The following SMS variants were observed in gnomAD, a reference collection of about 807,000 sequenced individuals.
The protein encoded by SMS is spermine synthase, also known as spermidine aminopropyltransferase.
In SMS, 3 loss-of-function variants were observed where a neutral mutation model predicts 33.0. The ratio of observed to expected loss-of-function variants is 0.09; its 90% CI spans 0.04 to 0.23. The LOEUF is 0.23. Ranked by LOEUF, SMS falls within the 10% of genes least tolerant of loss-of-function variation. The pLI, the probability that SMS is intolerant of heterozygous loss-of-function variation, is 1.00. For synonymous variants in SMS, 103 were observed against 112.2 expected (o/e 0.92, Z 0.52); for missense variants, 117 against 288.6 (o/e 0.41, Z 4.31).
At chrX:21,954,393 C>G (rs1418236878) in intron 1 of SMS, among the ~76,000 whole-genome samples, 1 of 112,390 alleles carries the variant, frequency 8.9e-6, no homozygotes, top group Non-Finnish European at 1.9e-5. Flanking sequence ...TTTAGACCAT[C>G]TAGGTGCAAT....
At chrX:21,985,032 G>C (rs187343645) in intron 8 of SMS, 112 bp from the exon 9 acceptor site, 1 of 508,804 alleles carries the variant, frequency 2.0e-6, no homozygotes, top group Non-Finnish European at 3.5e-6. Context: ...TCTTACACTC[G>C]TGGCTCTTTT....
At chrX:21,978,743 C>T (rs970508758) in intron 6 of SMS, 134 bp from the exon 7 acceptor site, 1 of 540,725 alleles carries the variant, frequency 1.8e-6, no homozygotes. Context: ...GTCACTGCCT[C>T]ATTCATCATT....
intron 2 of SMS, among the ~76,000 whole-genome samples, chrX:21,968,310 C>T (rs1923884746): frequency 8.9e-6 from 1 of 112,431 alleles, no homozygotes; most frequent in Admixed American, 9.4e-5. Flanking sequence ...GGTCCCTTCT[C>T]TACTCTGTTT....
chrX:21,983,135 G>T (rs189261087), intron 7 of SMS, among the ~76,000 whole-genome samples: 2 of 111,093 alleles, frequency 1.8e-5, no homozygotes, highest in Non-Finnish European at 3.8e-5. Context: ...AAACTCCCGG[G>T]CTCAAGCGAT....
chrX:21,956,825 C>T (rs1923005957), intron 1 of SMS, among the ~76,000 whole-genome samples: 1 of 112,437 alleles, frequency 8.9e-6, no homozygotes, highest in South Asian at 3.6e-4. Flanking sequence ...CAGTGATCCT[C>T]CAGCCTCAGC....
At position 21,951,899 on chromosome X, in the gene SMS, A is replaced by G. The variant is rs1403037521; in HGVS notation, c.49+11026A>G. The stretch of plus-strand genomic sequence containing the variant: ...TTACTACATCTGCTCATTTTACACT[A>G]TGGGGTTAGGGAAATGTAAAGAAAG... On this transcript the variant is annotated intron_variant, in intron 1 of 10. Transcript: ENST00000404933. Among the ~76,000 whole-genome samples the G allele has an allele frequency of 2.7e-5, 3 of 111,785 alleles. No homozygotes were observed. The Admixed American group carries it at 2.9e-4, about 11-fold the overall frequency.
At chrX:21,945,946 C>T (rs1238723030) in intron 1 of SMS, among the ~76,000 whole-genome samples, 3 of 111,175 alleles carry the variant, frequency 2.7e-5, no homozygotes, top group African/African-American at 9.8e-5. Context: ...ATTAACACAT[C>T]AAATAACAAG....
intron 6 of SMS, among the ~76,000 whole-genome samples, chrX:21,978,533 G>T (rs186544687): frequency 9.0e-6 from 1 of 111,655 alleles, no homozygotes; most frequent in Non-Finnish European, 1.9e-5. Flanking sequence ...CCAAGATTGC[G>T]CAACTTCACT....
At chrX:21,976,926 G>A (rs1924570783) in intron 4 of SMS, 135 bp from the exon 5 acceptor site, 1 of 590,802 alleles carries the variant, frequency 1.7e-6, no homozygotes, top group South Asian at 2.4e-5. Context: ...AAAACTAAAA[G>A]CCCAAGCTTT....
At chrX:21,982,935 G>A (rs989936521) in intron 7 of SMS, among the ~76,000 whole-genome samples, 6 of 112,367 alleles carry the variant, frequency 5.3e-5, no homozygotes, top group African/African-American at 1.6e-4. Context: ...TAAAACAATA[G>A]GACAGAAAAG....
chrX:21,946,650 T>C (rs776258636), intron 1 of SMS, among the ~76,000 whole-genome samples: 4 of 111,280 alleles, frequency 3.6e-5, no homozygotes, highest in African/African-American at 9.8e-5. Flanking sequence ...GTGGGTGACA[T>C]CTGGCAATTT....
chrX:21,965,070 C>T (rs774422647), intron 1 of SMS, among the ~76,000 whole-genome samples: 1 of 111,438 alleles, frequency 9.0e-6, no homozygotes, highest in South Asian at 3.8e-4. Flanking sequence ...ATGTCACCTG[C>T]CCCCTTTTCT....
intron 7 of SMS, among the ~76,000 whole-genome samples, chrX:21,982,383 G>T (rs745646497): frequency 5.6e-4 from 62 of 110,136 alleles, no homozygotes; most frequent in African/African-American, 2.0e-3. Flanking sequence ...AACCCTGTTG[G>T]TGGCCCAGGA....
At chrX:21,964,359 T>G (rs1170750780) in intron 1 of SMS, among the ~76,000 whole-genome samples, 1 of 110,924 alleles carries the variant, frequency 9.0e-6, no homozygotes, top group Admixed American at 9.6e-5. Flanking sequence ...TCTTGGAGGC[T>G]CTTTCATTTT....
At chrX:21,963,399 T>C (rs752054139) in intron 1 of SMS, among the ~76,000 whole-genome samples, 1 of 112,448 alleles carries the variant, frequency 8.9e-6, no homozygotes, top group East Asian at 2.8e-4. Context: ...TGAATAGGGC[T>C]TGTGGGTAAA....
intron 4 of SMS, among the ~76,000 whole-genome samples, chrX:21,976,181 A>G (rs765762717): frequency 9.0e-6 from 1 of 111,303 alleles, no homozygotes; most frequent in Non-Finnish European, 1.9e-5. Context: ...CAGCCTCTGT[A>G]GTAGTAACTG....
At chrX:21,962,163 G>T (rs1182830331) in intron 1 of SMS, among the ~76,000 whole-genome samples, 1 of 111,747 alleles carries the variant, frequency 8.9e-6, no homozygotes, top group Non-Finnish European at 1.9e-5. Context: ...GGGCATTCCT[G>T]ACATTTAGTG....
At chrX:21,968,768 A>G (rs1321571408) in intron 2 of SMS, among the ~76,000 whole-genome samples, 4 of 112,237 alleles carry the variant, frequency 3.6e-5, no homozygotes, top group Non-Finnish European at 1.9e-5. Context: ...ACTACTAATT[A>G]AGATTCTTAG....
At chrX:21,952,125 T>C (rs1287709104) in intron 1 of SMS, among the ~76,000 whole-genome samples, 1 of 112,065 alleles carries the variant, frequency 8.9e-6, no homozygotes, top group Non-Finnish European at 1.9e-5. Flanking sequence ...CTATGTGCCT[T>C]ACTGTGCTGG....
Sources: gnomAD v4.1 joint callset for allele counts (sites outside exome capture counted in the v4.1 genomes callset) on GRCh38, gnomAD v4.1.1 for gene constraint, MANE v1.5 for transcripts, NCBI Gene and HGNC (gene_info 2026-07-23, HGNC 2026-07-21) for gene names.